FSTL5: variants seen among roughly 807,000 people sequenced by gnomAD.
FSTL5 encodes the protein follistatin-related protein 5.
FSTL5 carries 62 observed loss-of-function variants against 89.1 expected under a neutral mutation model. The observed-to-expected ratio is 0.70, with a 90% confidence interval of 0.57 to 0.86. FSTL5 has a LOEUF of 0.86. Among genes scored for constraint, FSTL5 ranks in the 40% least tolerant of loss-of-function variants. The pLI, the probability that FSTL5 is intolerant of heterozygous loss-of-function variation, is 0.00. For missense variants in FSTL5, 1,057 were observed against 1,001.6 expected, an observed-to-expected ratio of 1.06 and a Z score of -0.75; for synonymous variants, 383 against 346.2, an observed-to-expected ratio of 1.11 and a Z score of -1.18.
intron 1 of FSTL5, among the ~76,000 whole-genome samples, chr4:162,133,045 C>T (rs565308857): frequency 1.3e-5 from 2 of 152,268 alleles, no homozygotes; most frequent in East Asian, 3.9e-4. Flanking sequence ...TGGGTTCACG[C>T]CCTTCTCCTA....
intron 10 of FSTL5, among the ~76,000 whole-genome samples, chr4:161,511,249 G>A (rs1730643107): frequency 1.3e-5 from 2 of 152,174 alleles, no homozygotes; most frequent in Admixed American, 1.3e-4. Flanking sequence ...AAAACTTAAT[G>A]ACTTTTTTTT....
At chr4:161,609,879 A>G (rs1734579139) in intron 7 of FSTL5, among the ~76,000 whole-genome samples, 1 of 152,112 alleles carries the variant, frequency 6.6e-6, no homozygotes, top group South Asian at 2.1e-4. Flanking sequence ...TGCTACACAT[A>G]TATTCTCGTA....
chr4:161,522,207 A>G (rs1731059770), intron 10 of FSTL5, among the ~76,000 whole-genome samples: 1 of 152,182 alleles, frequency 6.6e-6, no homozygotes, highest in Non-Finnish European at 1.5e-5. Flanking sequence ...GCACAGAGAA[A>G]AAGAGAATGG....
intron 15 of FSTL5, among the ~76,000 whole-genome samples, chr4:161,429,643 T>TA (rs1351446417): frequency 6.6e-6 from 1 of 152,192 alleles, no homozygotes; most frequent in Non-Finnish European, 1.5e-5. Context: ...GCCGCAGTGT[T>TA]ACTGAGCTTG....
chr4:161,672,110 C>A (rs1037366377), intron 6 of FSTL5, among the ~76,000 whole-genome samples: 12 of 152,054 alleles, frequency 7.9e-5, no homozygotes, highest in Non-Finnish European at 1.2e-4. Flanking sequence ...GGAAACCTAC[C>A]AAGTAATTAT....
chr4:161,908,017 G>A (rs1020932440), intron 4 of FSTL5, among the ~76,000 whole-genome samples: 1 of 151,864 alleles, frequency 6.6e-6, no homozygotes, highest in Non-Finnish European at 1.5e-5. Flanking sequence ...ATATACTGTG[G>A]GAAACATGTT....
intron 3 of FSTL5, among the ~76,000 whole-genome samples, chr4:162,027,806 A>T (rs1737356594): frequency 6.6e-6 from 1 of 152,170 alleles, no homozygotes; most frequent in African/African-American, 2.4e-5. Context: ...CTATCAAGTT[A>T]TGCATATGTG....
Position 161,656,478 on chromosome 4 carries a change from A to C in FSTL5, c.744T>G (p.Ser248Arg). 1 of 1,591,220 alleles carries C rather than the reference A, an allele frequency of 6.3e-7. No homozygotes were observed. Among genetic ancestry groups the C allele is most frequent in the Non-Finnish European group, 8.5e-7 (1 of 1,169,906 alleles). ...FYRAFQVIQL[S>R]LPEDQKLSIT... The stretch of plus-strand genomic sequence containing the variant: ...TGCTTAGTTTCTGATCTTCTGGCAG[A>C]CTCAACTGGATCACTTCTGTAAAGA... Residue 248 changes from serine to arginine, a missense_variant, in exon 7 of 16, where the codon AGT (serine) becomes AGG (arginine). Transcript: ENST00000306100.
chr4:161,974,936 G>A (rs1031259160), intron 3 of FSTL5, among the ~76,000 whole-genome samples: 28 of 149,432 alleles, frequency 1.9e-4, no homozygotes, highest in African/African-American at 6.9e-4. Context: ...TCAAAAAGTG[G>A]GCAAAGGACA....
chr4:161,867,677 A>G (rs1002150402), intron 4 of FSTL5, among the ~76,000 whole-genome samples: 21 of 151,666 alleles, frequency 1.4e-4, no homozygotes, highest in Non-Finnish European at 2.5e-4. Context: ...TAAGAGAGGC[A>G]TTAGATATTC....
chr4:161,860,127 A>C (rs1731857300), intron 4 of FSTL5, among the ~76,000 whole-genome samples: 1 of 152,024 alleles, frequency 6.6e-6, no homozygotes, highest in African/African-American at 2.4e-5. Context: ...TCTCTACTAA[A>C]AATACAAAAA....
In FSTL5 at chr4:161,759,583, A is replaced by G. The variant is rs527367241; in HGVS notation, c.607-52T>C. 16 of 1,131,332 alleles carry G rather than the reference A, an allele frequency of 1.4e-5. No homozygotes were observed. In the African/African-American group the frequency reaches 2.1e-4, roughly 15 times the overall value. The allele number at this position is 1,131,332 out of a possible 1,614,324, so 70.1% of individuals were successfully genotyped here. On this transcript the variant is annotated intron_variant, in intron 5 of 15. Coordinates refer to ENST00000306100, the MANE Select transcript of FSTL5 (RefSeq NM_020116.5). ...TTTAGATTTGTGTCTTAAAATTTCT[A>G]TAATATAATTTATTATATGTAATAA...
intron 9 of FSTL5, among the ~76,000 whole-genome samples, chr4:161,539,675 A>G (rs1731750644): frequency 6.6e-6 from 1 of 152,144 alleles, no homozygotes; most frequent in Non-Finnish European, 1.5e-5. Context: ...TTGAAAAATG[A>G]GTGCAACTGT....
chr4:161,775,255 A>G (rs2126803548), intron 5 of FSTL5, among the ~76,000 whole-genome samples: 1 of 152,248 alleles, frequency 6.6e-6, no homozygotes, highest in African/African-American at 2.4e-5. Context: ...AGTCAGCAAA[A>G]TCATCAGTGC....
intron 15 of FSTL5, chr4:161,388,244 G>T (rs1207490215): frequency 1.3e-5 from 2 of 151,980 alleles, no homozygotes; most frequent in African/African-American, 4.8e-5. Flanking sequence ...CTTAATAAAT[G>T]TGTTTGTGTC....
At chr4:161,980,493 T>C (rs1168366286) in intron 3 of FSTL5, among the ~76,000 whole-genome samples, 1 of 152,050 alleles carries the variant, frequency 6.6e-6, no homozygotes, top group African/African-American at 2.4e-5. Flanking sequence ...TTTTCCTTCC[T>C]AGTTGTCTCT....
At chr4:162,066,299 T>TTTCTTCTTCTTCTTCTTCTTCTTC (rs1222795843) in intron 2 of FSTL5, among the ~76,000 whole-genome samples, 2 of 70,120 alleles carry the variant, frequency 2.9e-5, no homozygotes, top group African/African-American at 1.1e-4. Context: ...TCCTCCTACT[T>TTTCTTCTTCTTCTTCTTCTTCTTC]TTCTTCTTCT....
intron 12 of FSTL5, 135 bp downstream of exon 12, chr4:161,499,880 AC>A: frequency 3.2e-6 from 2 of 626,630 alleles, no homozygotes; most frequent in Non-Finnish European, 5.6e-6. Flanking sequence ...AAAGAATAAC[AC>A]CGAATATCAT....
chr4:161,751,110 GA>G, intron 6 of FSTL5, among the ~76,000 whole-genome samples: 1 of 151,928 alleles, frequency 6.6e-6, no homozygotes, highest in African/African-American at 2.4e-5. Flanking sequence ...TACTATAGGT[GA>G]AAAAAAGAAC....
Sources: allele counts gnomAD v4.1 joint callset (sites outside exome capture counted in the v4.1 genomes callset), GRCh38; gene constraint gnomAD v4.1.1; transcripts MANE v1.5; gene names NCBI Gene and HGNC (gene_info 2026-07-23, HGNC 2026-07-21).